Variants in TBL1X observed in about 807,000 individuals in gnomAD.
The protein encoded by TBL1X is F-box-like/WD repeat-containing protein TBL1X.
In TBL1X, 10 loss-of-function variants were observed where a neutral mutation model predicts 50.7. That is an observed-to-expected ratio of 0.20 (90% CI 0.12 to 0.33). The LOEUF is 0.33. Among genes scored for constraint, TBL1X ranks in the 10% least tolerant of loss-of-function variants. The pLI, the probability that TBL1X is intolerant of heterozygous loss-of-function variation, is 1.00. For synonymous variants in TBL1X, 190 were observed against 214.7 expected (o/e 0.88, Z 1.01); for missense variants, 340 against 504.4 (o/e 0.67, Z 3.12).
At chrX:9,495,720 G>A (rs1161742328) in intron 1 of TBL1X, among the ~76,000 whole-genome samples, 1 of 111,746 alleles carries the variant, frequency 8.9e-6, no homozygotes, top group Non-Finnish European at 1.9e-5. Flanking sequence ...CCCATAAGAC[G>A]CATCCCAGCC....
At chrX:9,605,894 A>G (rs963775326) in intron 2 of TBL1X, among the ~76,000 whole-genome samples, 6 of 112,127 alleles carry the variant, frequency 5.4e-5, no homozygotes, top group Non-Finnish European at 7.5e-5. Context: ...ATTTCCACCA[A>G]TGCACTCCAG....
At chrX:9,575,697 T>C (rs941877213) in intron 2 of TBL1X, among the ~76,000 whole-genome samples, 2 of 112,219 alleles carry the variant, frequency 1.8e-5, no homozygotes. Context: ...AGCCACTTAC[T>C]ACACGATTGG....
chrX:9,646,036 T>A, intron 3 of TBL1X, among the ~76,000 whole-genome samples: 1 of 112,809 alleles, frequency 8.9e-6, no homozygotes, highest in East Asian at 2.8e-4. Context: ...AGCCTTTATT[T>A]GTTAAACCTA....
chrX:9,585,069 A>G lies in TBL1X; in HGVS notation c.-130-55204A>G, dbSNP rs573407874. On this transcript the variant is annotated intron_variant, in intron 2 of 17. Coordinates refer to ENST00000645353, the MANE Select transcript of TBL1X (RefSeq NM_005647.4). Reference sequence around the variant, plus strand: ...TAGGGAATGGCTTGTCAAAGCATCCATGTCAAAGGGACCATTTAAAAATTT... The same window carrying G: ...TAGGGAATGGCTTGTCAAAGCATCCGTGTCAAAGGGACCATTTAAAAATTT... Among the ~76,000 whole-genome samples, 42 of 112,019 alleles carry G rather than the reference A, an allele frequency of 3.7e-4. No individual in the cohort carries two copies. The South Asian group carries it at 0.01, about 28-fold the overall frequency.
intron 2 of TBL1X, among the ~76,000 whole-genome samples, chrX:9,526,181 GA>G (rs747604160): frequency 1.2e-4 from 13 of 106,459 alleles, no homozygotes; most frequent in East Asian, 1.2e-3. Flanking sequence ...GAGAGAGAGA[GA>G]AAAAAAAACA....
At chrX:9,488,328 T>A (rs1314368900) in intron 1 of TBL1X, among the ~76,000 whole-genome samples, 1 of 112,242 alleles carries the variant, frequency 8.9e-6, no homozygotes, top group African/African-American at 3.2e-5. Context: ...CTGGAAGCTC[T>A]AGGGGAGAAT....
In TBL1X at chrX:9,465,144, GC is replaced by G; in HGVS notation, c.-502del. ...CTCTCCCGCTGCCGCCGCCGCCGCCGCCGCGCCCGCCTCAGCGCCCCCACTC... is the reference window on the plus strand; with the variant it reads ...CTCTCCCGCTGCCGCCGCCGCCGCCGCGCGCCCGCCTCAGCGCCCCCACTC... On this transcript the variant is annotated 5_prime_UTR_variant, in exon 1 of 18. Transcript: ENST00000645353. 1 of 114,889 alleles carries G rather than the reference GC, an allele frequency of 8.7e-6. No individual in the cohort carries two copies. The highest frequency in any genetic ancestry group is 1.8e-5 in the Non-Finnish European group (1 of 55,102). 9.5% of individuals were successfully genotyped at this position (114,889 alleles called of 1,213,427 possible).
At chrX:9,696,922 C>T (rs918643052) in intron 11 of TBL1X, among the ~76,000 whole-genome samples, 8 of 112,019 alleles carry the variant, frequency 7.1e-5, no homozygotes, top group African/African-American at 2.6e-4. Context: ...AGGGTCATCG[C>T]CAAGGTCTGA....
At chrX:9,524,621 C>G (rs754035557) in intron 2 of TBL1X, among the ~76,000 whole-genome samples, 4 of 112,683 alleles carry the variant, frequency 3.5e-5, no homozygotes, top group African/African-American at 1.3e-4. Context: ...ATTCCTGTAA[C>G]TGTAGATGGA....
chrX:9,669,473 G>A (rs893721060), intron 5 of TBL1X, among the ~76,000 whole-genome samples: 10 of 111,678 alleles, frequency 9.0e-5, no homozygotes, highest in Non-Finnish European at 1.3e-4. Context: ...TCTGCTAGCC[G>A]CCCCATGTCT....
chrX:9,598,956 T>G (rs1045218776), intron 2 of TBL1X, among the ~76,000 whole-genome samples: 1 of 109,554 alleles, frequency 9.1e-6, no homozygotes, highest in Non-Finnish European at 1.9e-5. Context: ...TTTTTGTTTT[T>G]TTTTTTAGAC....
chrX:9,659,233 C>T (rs1328030392), intron 5 of TBL1X, among the ~76,000 whole-genome samples: 8 of 112,503 alleles, frequency 7.1e-5, no homozygotes, highest in African/African-American at 2.6e-4. Flanking sequence ...TTCTGTCACC[C>T]TCAAAATTGC....
rs776392385 is a variant in TBL1X, at chrX:9,692,735, AGGCT to A, written c.892-412_892-409del. On this transcript the variant is annotated intron_variant, in intron 9 of 17. Coordinates refer to ENST00000645353, the MANE Select transcript of TBL1X (RefSeq NM_005647.4). Reference sequence around the variant, plus strand: ...TCTTGGCTTCTAAGAGCTATTAACAAGGCTGCATTTGGCAGGCAGTGAGCTGTGT... The same window carrying A: ...TCTTGGCTTCTAAGAGCTATTAACAAGCATTTGGCAGGCAGTGAGCTGTGT... Among the ~76,000 whole-genome samples the A allele has an allele frequency of 2.7e-5, 3 of 112,818 alleles. No homozygotes were observed. In the East Asian group the frequency reaches 8.4e-4, roughly 32 times the overall value.
At chrX:9,476,571 C>G (rs768495474) in intron 1 of TBL1X, among the ~76,000 whole-genome samples, 3 of 112,338 alleles carry the variant, frequency 2.7e-5, no homozygotes, top group Admixed American at 1.9e-4. Context: ...GCGCACACTT[C>G]CTGTGCTTTC....
At position 9,688,049 on chromosome X, in the gene TBL1X, G is replaced by C; in HGVS notation, c.390G>C (p.Glu130Asp). ...DGTVFDGRPI[E>D]SLSLIDAVMP... ...CAGTGTTCGACGGCCGCCCCATAGA[G>C]TCCCTGTCACTGATAGACGCCGTGA... The change falls in exon 7 of 18, where the codon GAG becomes GAC. Residue 130 changes from glutamate (E) to aspartate (D), a missense_variant. Physicochemically the swap from Glu to Asp is conservative, Grantham distance 45. This residue lies in a region of TBL1X where 24 missense variants were observed against 44.1 expected (regional missense o/e 0.54). Transcript: ENST00000645353. 8.3e-7 allele frequency: 1 copy of C among 1,210,524 alleles called. No homozygotes were observed. Among genetic ancestry groups the C allele is most frequent in the Non-Finnish European group, 1.1e-6 (1 of 894,748 alleles).
intron 2 of TBL1X, among the ~76,000 whole-genome samples, chrX:9,562,937 G>C (rs2082331355): frequency 8.9e-6 from 1 of 112,205 alleles, no homozygotes; most frequent in Non-Finnish European, 1.9e-5. Context: ...CAGAACTTTT[G>C]CACTTTGGTT....
chrX:9,548,018 G>C (rs909875704), intron 2 of TBL1X, among the ~76,000 whole-genome samples: 1 of 104,832 alleles, frequency 9.5e-6, no homozygotes, highest in African/African-American at 3.5e-5. Context: ...AAATTTTTAC[G>C]TTGGTGCTGC....
intron 2 of TBL1X, among the ~76,000 whole-genome samples, chrX:9,626,142 G>A (rs1439248867): frequency 9.0e-6 from 1 of 111,274 alleles, no homozygotes; most frequent in Non-Finnish European, 1.9e-5. Flanking sequence ...CACGAAGCAT[G>A]ACACGTGTCG....
At chrX:9,593,777 G>A (rs369976888) in intron 2 of TBL1X, among the ~76,000 whole-genome samples, 28 of 110,749 alleles carry the variant, frequency 2.5e-4, no homozygotes, top group Non-Finnish European at 9.5e-5. Context: ...GTGGCCAGCC[G>A]CCTCCCAAGC....
Sources: gnomAD v4.1 joint callset for allele counts (sites outside exome capture counted in the v4.1 genomes callset) on GRCh38, gnomAD v4.1.1 for gene constraint, gnomAD v4.1.1 regional missense constraint, MANE v1.5 for transcripts, NCBI Gene and HGNC (gene_info 2026-07-23, HGNC 2026-07-21) for gene names.